The following CHSY3 variants were observed in gnomAD, a reference collection of about 807,000 sequenced individuals.
CHSY3 encodes the protein chondroitin sulfate synthase 3.
A neutral mutation model predicts 67.2 loss-of-function variants in CHSY3; 35 were observed. The ratio of observed to expected loss-of-function variants is 0.52; its 90% CI spans 0.40 to 0.69. CHSY3 has a LOEUF of 0.69. Among genes scored for constraint, CHSY3 ranks in the 30% least tolerant of loss-of-function variants. CHSY3 has a pLI of 0.00. For synonymous variants in CHSY3, 474 were observed against 434.7 expected (o/e 1.09, Z -1.12); for missense variants, 1,069 against 1,138.5 (o/e 0.94, Z 0.88).
At chr5:130,151,724 C>G (rs533654393) in intron 2 of CHSY3, among the ~76,000 whole-genome samples, 1 of 152,078 alleles carries the variant, frequency 6.6e-6, no homozygotes, top group East Asian at 1.9e-4. Flanking sequence ...ACTACCAGAT[C>G]TTATGAGAAC....
In CHSY3 at chr5:129,905,282, G is replaced by A. The variant is rs1760223035; in HGVS notation, c.453G>A (p.Gly151=). ...AAGQRRDGRP[G]SSHNGSGDGG... ...GGCAGCGGAGAGACGGCCGGCCGGG[G>A]AGTAGCCACAACGGCAGCGGGGACG... Residue 151 remains glycine, a synonymous_variant, in exon 1 of 3, where the codon GGG becomes GGA. Coordinates refer to ENST00000305031, the MANE Select transcript of CHSY3 (RefSeq NM_175856.5). 6.8e-7 allele frequency: 1 copy of A among 1,469,736 alleles called. No individual in the cohort carries two copies. The highest frequency in any genetic ancestry group is 9.0e-7 in the Non-Finnish European group (1 of 1,113,436). 91.0% of individuals were successfully genotyped at this position (1,469,736 alleles called of 1,614,324 possible).
intron 2 of CHSY3, among the ~76,000 whole-genome samples, chr5:129,997,503 A>T (rs1308795983): frequency 2.3e-5 from 3 of 129,260 alleles, no homozygotes; most frequent in Non-Finnish European, 3.5e-5. Context: ...ATATTTAGAA[A>T]CATTTCACTC....
At chr5:130,164,264 G>A (rs1769656536) in intron 2 of CHSY3, among the ~76,000 whole-genome samples, 1 of 152,066 alleles carries the variant, frequency 6.6e-6, no homozygotes, top group African/African-American at 2.4e-5. Flanking sequence ...CTTGAGCCAG[G>A]GTCCAGGTAA....
At chr5:130,126,183 G>T (rs1389403904) in intron 2 of CHSY3, among the ~76,000 whole-genome samples, 1 of 151,892 alleles carries the variant, frequency 6.6e-6, no homozygotes, top group Non-Finnish European at 1.5e-5. Flanking sequence ...ACACATGGTC[G>T]GTACTTGATA....
chr5:130,058,581 G>A lies in CHSY3; in HGVS notation c.1087-125648G>A, dbSNP rs562217817. 8.5e-5 allele frequency among the ~76,000 whole-genome samples: 13 copies of A among 152,270 alleles called. 1 individual carries two copies. The East Asian group carries it at 2.3e-3, about 27-fold the overall frequency. The stretch of plus-strand genomic sequence containing the variant: ...GTGGAAGTTGCAGTGTGCCAAGATT[G>A]CACCATTGTACTCCAGCCTGGACTA... On this transcript the variant is annotated intron_variant, in intron 2 of 2. Transcript: ENST00000305031.
intron 2 of CHSY3, among the ~76,000 whole-genome samples, chr5:130,046,748 C>T (rs1765164766): frequency 1.3e-5 from 2 of 152,006 alleles, no homozygotes; most frequent in South Asian, 4.2e-4. Context: ...TTTACAGATA[C>T]CTTGCATAAA....
At chr5:130,136,953 T>C (rs532526206) in intron 2 of CHSY3, among the ~76,000 whole-genome samples, 175 of 152,314 alleles carry the variant, frequency 1.1e-3, no homozygotes, top group Middle Eastern at 0.01. Context: ...AAAGGCCTCA[T>C]GTGCCTTCAA....
At chr5:130,032,843 G>A (rs999386749) in intron 2 of CHSY3, among the ~76,000 whole-genome samples, 2 of 152,158 alleles carry the variant, frequency 1.3e-5, no homozygotes, top group Non-Finnish European at 2.9e-5. Flanking sequence ...AAGGAGAAGG[G>A]TGAGGAAGCC....
intron 2 of CHSY3, among the ~76,000 whole-genome samples, chr5:130,016,869 T>C (rs1394449109): frequency 1.6e-4 from 24 of 152,196 alleles, no homozygotes; most frequent in Admixed American, 1.6e-3. Flanking sequence ...CCCCACCACT[T>C]TAAAGCCTTT....
chr5:129,979,170 A>G (rs1206329661), intron 2 of CHSY3, among the ~76,000 whole-genome samples: 1 of 137,730 alleles, frequency 7.3e-6, no homozygotes, highest in Non-Finnish European at 1.5e-5. Context: ...CCTGCACTCC[A>G]GCCTGGGTGA....
intron 2 of CHSY3, among the ~76,000 whole-genome samples, chr5:129,928,603 C>T (rs1475428106): frequency 2.0e-5 from 3 of 152,008 alleles, no homozygotes; most frequent in Admixed American, 1.3e-4. Context: ...ATCTGTAGCT[C>T]GGTGTGGTTC....
intron 2 of CHSY3, among the ~76,000 whole-genome samples, chr5:130,090,322 C>G (rs935564838): frequency 6.6e-6 from 1 of 152,092 alleles, no homozygotes; most frequent in African/African-American, 2.4e-5. Context: ...ATGGAGAGCC[C>G]TTTACTGGAG....
intron 2 of CHSY3, among the ~76,000 whole-genome samples, chr5:129,932,432 G>A (rs1218655912): frequency 6.6e-6 from 1 of 152,028 alleles, no homozygotes. Context: ...TGATTTAAAT[G>A]TTAATTATGT....
intron 2 of CHSY3, among the ~76,000 whole-genome samples, chr5:130,084,513 G>T (rs146900026): frequency 6.6e-6 from 1 of 151,732 alleles, no homozygotes; most frequent in Non-Finnish European, 1.5e-5. Flanking sequence ...GAGAACATGC[G>T]CCCAAGATGT....
chr5:130,132,515 A>G (rs1372657749), intron 2 of CHSY3, among the ~76,000 whole-genome samples: 1 of 152,218 alleles, frequency 6.6e-6, no homozygotes, highest in African/African-American at 2.4e-5. Flanking sequence ...ATCACACATT[A>G]TTCTTGGTAC....
chr5:129,960,986 C>T (rs1762313369), intron 2 of CHSY3, among the ~76,000 whole-genome samples: 1 of 152,050 alleles, frequency 6.6e-6, no homozygotes, highest in South Asian at 2.1e-4. Flanking sequence ...ACAATTTCCG[C>T]AGTATGTTCT....
At chr5:129,976,557 ATCTGGGAACCTT>A (rs1185199110) in intron 2 of CHSY3, among the ~76,000 whole-genome samples, 18 of 152,178 alleles carry the variant, frequency 1.2e-4, no homozygotes, top group African/African-American at 4.3e-4. Context: ...AATGAAGGAT[ATCTGGGAACCTT>A]TCCTTTTCAT....
intron 2 of CHSY3, among the ~76,000 whole-genome samples, chr5:130,037,990 G>A (rs1764908412): frequency 6.6e-6 from 1 of 152,068 alleles, no homozygotes; most frequent in Non-Finnish European, 1.5e-5. Context: ...AATTGTGTGA[G>A]AGGATGGTAA....
intron 2 of CHSY3, among the ~76,000 whole-genome samples, chr5:130,094,679 T>C (rs2149694912): frequency 6.6e-6 from 1 of 152,188 alleles, no homozygotes; most frequent in South Asian, 2.1e-4. Context: ...TTTTCTTCAA[T>C]TTAAAAAGTC....
Sources: gnomAD v4.1 joint callset for allele counts (sites outside exome capture counted in the v4.1 genomes callset) on GRCh38, gnomAD v4.1.1 for gene constraint, MANE v1.5 for transcripts, NCBI Gene and HGNC (gene_info 2026-07-23, HGNC 2026-07-21) for gene names.